Variants in FTCDNL1 observed in about 807,000 individuals in gnomAD.
FTCDNL1 encodes formiminotransferase N-terminal subdomain-containing protein.
FTCDNL1 carries 11 observed loss-of-function variants against 5.9 expected under a neutral mutation model. The ratio of observed to expected loss-of-function variants is 1.87; its 90% CI spans 1.18 to 3.10. FTCDNL1 has a LOEUF of 3.10. FTCDNL1 is among the 30% of genes most tolerant of loss of function. The pLI, the probability that FTCDNL1 is intolerant of heterozygous loss-of-function variation, is 0.00. For missense variants in FTCDNL1, 115 were observed against 65.5 expected (o/e 1.76, Z -2.61); for synonymous variants, 58 against 24.8 (o/e 2.34, Z -3.99).
chr2:199,742,548 T>A, the FTCDNL1 span, among the ~76,000 whole-genome samples: 1 of 152,250 alleles, frequency 6.6e-6, no homozygotes, highest in Non-Finnish European at 1.5e-5. Flanking sequence ...ATACTACTAC[T>A]AATAGCTCAT....
At chr2:199,715,751 T>C in the FTCDNL1 span, among the ~76,000 whole-genome samples, 3 of 152,050 alleles carry the variant, frequency 2.0e-5, no homozygotes, top group Non-Finnish European at 4.4e-5. Context: ...TTAAGTTACT[T>C]GTCCAAGAAA....
intron 3 of FTCDNL1, among the ~76,000 whole-genome samples, chr2:199,767,568 C>T (rs1473628380): frequency 6.6e-6 from 1 of 152,170 alleles, no homozygotes; most frequent in Admixed American, 6.5e-5. Flanking sequence ...GAGGTAGGGA[C>T]TTCAGGAGGT....
At chr2:199,747,273 A>G in the FTCDNL1 span, among the ~76,000 whole-genome samples, 1 of 152,126 alleles carries the variant, frequency 6.6e-6, no homozygotes, top group African/African-American at 2.4e-5. Context: ...ATTCATCTCA[A>G]ACTTTACTTG....
chr2:199,778,039 A>T (rs1269885714), intron 3 of FTCDNL1, among the ~76,000 whole-genome samples: 1 of 152,234 alleles, frequency 6.6e-6, no homozygotes, highest in East Asian at 1.9e-4. Context: ...TAACCAAAGT[A>T]GGTTTGACCA....
chr2:199,689,974 CAT>C, the FTCDNL1 span, among the ~76,000 whole-genome samples: 2 of 152,060 alleles, frequency 1.3e-5, no homozygotes. Flanking sequence ...TGAAATACTG[CAT>C]AGTTATTAAA....
intron 3 of FTCDNL1, among the ~76,000 whole-genome samples, chr2:199,835,130 A>T (rs1414338627): frequency 6.6e-6 from 1 of 152,120 alleles, no homozygotes; most frequent in Non-Finnish European, 1.5e-5. Context: ...GTGAGCTAGG[A>T]TTGCACTACT....
chr2:199,686,558 A>C, the FTCDNL1 span, among the ~76,000 whole-genome samples: 108 of 152,322 alleles, frequency 7.1e-4, no homozygotes, highest in African/African-American at 2.4e-3. Flanking sequence ...GATTAGAAGA[A>C]TATATTATGA....
Position 199,784,707 on chromosome 2 carries a change from C to T in FTCDNL1, c.212-23872G>A, listed in dbSNP as rs558266119. On this transcript the variant is annotated intron_variant, in intron 3 of 3. Transcript: ENST00000416668. ...GCGGGACTTTGTACCATACATCAGC[C>T]AGTCATTGATGTGGGCTCTCCCCAG... Among the ~76,000 whole-genome samples, 10 of 152,306 alleles carry T rather than the reference C, an allele frequency of 6.6e-5. No individual in the cohort carries two copies. The East Asian group carries it at 1.9e-3, about 29-fold the overall frequency.
At chr2:199,832,732 C>A (rs947298267) in intron 3 of FTCDNL1, among the ~76,000 whole-genome samples, 2 of 152,058 alleles carry the variant, frequency 1.3e-5, no homozygotes, top group Non-Finnish European at 2.9e-5. Flanking sequence ...CTCTGTACCC[C>A]CTCCACAAGG....
chr2:199,739,679 T>C, the FTCDNL1 span, among the ~76,000 whole-genome samples: 1 of 152,206 alleles, frequency 6.6e-6, no homozygotes, highest in Non-Finnish European at 1.5e-5. Context: ...TTAGCAGCTA[T>C]GATAATACTA....
At chr2:199,759,093 ATG>A (rs951393652), downstream of FTCDNL1, among the ~76,000 whole-genome samples, 3 of 152,080 alleles carry the variant, frequency 2.0e-5, 1 homozygote, top group Admixed American at 1.3e-4. Context: ...AAATCTGTGT[ATG>A]TGTGTGTAAT....
the FTCDNL1 span, among the ~76,000 whole-genome samples, chr2:199,719,329 T>C: frequency 6.6e-6 from 1 of 152,188 alleles, no homozygotes; most frequent in Non-Finnish European, 1.5e-5. Context: ...TTGTTGACTT[T>C]GTCAAAGATC....
intron 3 of FTCDNL1, chr2:199,844,579 A>C (rs748516630): frequency 1.1e-5 from 5 of 462,700 alleles, no homozygotes; most frequent in South Asian, 3.9e-5. Flanking sequence ...TTTCAACTGC[A>C]TCTAAAGAAA....
chr2:199,717,021 C>T, the FTCDNL1 span, among the ~76,000 whole-genome samples: 1 of 152,022 alleles, frequency 6.6e-6, no homozygotes, highest in Non-Finnish European at 1.5e-5. Context: ...TAATGTCTTT[C>T]TTTGTGGGCA....
intron 3 of FTCDNL1, among the ~76,000 whole-genome samples, chr2:199,777,603 A>G (rs936801825): frequency 5.9e-5 from 9 of 152,202 alleles, no homozygotes; most frequent in Non-Finnish European, 1.0e-4. Context: ...AGAAACAATT[A>G]GAAGAATGTT....
the FTCDNL1 span, among the ~76,000 whole-genome samples, chr2:199,745,362 C>T: frequency 3.9e-5 from 6 of 152,196 alleles, no homozygotes; most frequent in South Asian, 2.1e-4. Flanking sequence ...CTTATTCTAA[C>T]GTGGCTCTCT....
At chr2:199,824,934 T>TA (rs1261833089) in intron 3 of FTCDNL1, among the ~76,000 whole-genome samples, 1 of 152,028 alleles carries the variant, frequency 6.6e-6, no homozygotes, top group Non-Finnish European at 1.5e-5. Context: ...GCTCAGGAGT[T>TA]AGAGACCAAC....
chr2:199,671,167 C>CA, the FTCDNL1 span, among the ~76,000 whole-genome samples: 232 of 136,180 alleles, frequency 1.7e-3, no homozygotes, highest in African/African-American at 5.4e-3. Flanking sequence ...AAATCCATGG[C>CA]AAAAAAAAAA....
intron 2 of FTCDNL1, 132 bp from the exon 3 acceptor site, chr2:199,846,302 G>A (rs571228760): frequency 1.8e-6 from 1 of 570,572 alleles, no homozygotes; most frequent in South Asian, 2.3e-5. Context: ...AAGTGACATT[G>A]AATAAACATG....
Sources: gnomAD v4.1 joint callset for allele counts (sites outside exome capture counted in the v4.1 genomes callset) on GRCh38, gnomAD v4.1.1 for gene constraint, MANE v1.5 for transcripts, NCBI Gene and HGNC (gene_info 2026-07-23, HGNC 2026-07-21) for gene names.